Variants in EBF1 observed in about 807,000 individuals in gnomAD.
EBF1 encodes transcription factor COE1.
A neutral mutation model predicts 68.4 loss-of-function variants in EBF1; 10 were observed. The ratio of observed to expected loss-of-function variants is 0.15; its 90% CI spans 0.09 to 0.25. The LOEUF (loss-of-function observed/expected upper bound fraction) is 0.25. EBF1 is among the 10% of genes least tolerant of loss of function. EBF1 has a pLI of 1.00. For synonymous variants in EBF1, 298 were observed against 299.8 expected (o/e 0.99, Z 0.06); for missense variants, 509 against 794.4 (o/e 0.64, Z 4.32).
Position 158,698,720 on chromosome 5 carries a change from G to A in EBF1, c.*391C>T, listed in dbSNP as rs1235543175. ...CACCACTTCATTCTTCCTTTACACA[G>A]CTTTAAAAACATCATAAATTAAAAC... On this transcript the variant is annotated 3_prime_UTR_variant, in exon 16 of 16. Coordinates refer to ENST00000313708, the MANE Select transcript of EBF1 (RefSeq NM_024007.5). 7 of 196,174 alleles carry A rather than the reference G, an allele frequency of 3.6e-5. No individual in the cohort carries two copies. Among genetic ancestry groups the A allele is most frequent in the Non-Finnish European group, 5.7e-5 (6 of 105,266 alleles). The allele number at this position is 196,174 out of a possible 1,614,324, so 12.2% of individuals were successfully genotyped here.
At chr5:159,043,901 T>C (rs1242421626) in intron 6 of EBF1, among the ~76,000 whole-genome samples, 1 of 152,204 alleles carries the variant, frequency 6.6e-6, no homozygotes, top group Non-Finnish European at 1.5e-5. Flanking sequence ...AATCTTCTAT[T>C]AACTGGCACT....
intron 5 of EBF1, among the ~76,000 whole-genome samples, chr5:159,075,826 G>T (rs13172519): frequency 1.3e-5 from 2 of 151,832 alleles, no homozygotes; most frequent in Non-Finnish European, 2.9e-5. Context: ...AGCTCCTACC[G>T]CACTGGCCCA....
At chr5:158,918,437 G>C (rs890077186) in intron 6 of EBF1, among the ~76,000 whole-genome samples, 4 of 152,182 alleles carry the variant, frequency 2.6e-5, no homozygotes, top group African/African-American at 9.7e-5. Flanking sequence ...TAGTTTCTTA[G>C]GTGATTTCTC....
intron 6 of EBF1, among the ~76,000 whole-genome samples, chr5:158,917,196 TA>T (rs1807388691): frequency 6.6e-6 from 1 of 152,180 alleles, no homozygotes; most frequent in African/African-American, 2.4e-5. Flanking sequence ...TATACCTAAA[TA>T]AAATCAAGCA....
At chr5:159,020,099 C>T (rs946432516) in intron 6 of EBF1, among the ~76,000 whole-genome samples, 3 of 152,048 alleles carry the variant, frequency 2.0e-5, no homozygotes, top group Non-Finnish European at 4.4e-5. Flanking sequence ...ACCCCTGTTG[C>T]CTCCTATGTC....
rs905348842 is a variant in EBF1, at chr5:158,825,200, A to G, written c.637-1883T>C. On this transcript the variant is annotated intron_variant, in intron 7 of 15. Coordinates refer to ENST00000313708, the MANE Select transcript of EBF1 (RefSeq NM_024007.5). Reference sequence around the variant, plus strand: ...AGGTTAATTTAAAAGAAAGAAGAAGAGAAGAAAACGGTCTACTATTTTGCC... The same window carrying G: ...AGGTTAATTTAAAAGAAAGAAGAAGGGAAGAAAACGGTCTACTATTTTGCC... 2.0e-5 allele frequency among the ~76,000 whole-genome samples: 3 copies of G among 152,246 alleles called. No individual in the cohort carries two copies. In the East Asian group the frequency reaches 5.8e-4, roughly 29 times the overall value.
intron 7 of EBF1, among the ~76,000 whole-genome samples, chr5:158,830,318 C>A (rs1787238075): frequency 6.6e-6 from 1 of 152,036 alleles, no homozygotes; most frequent in Non-Finnish European, 1.5e-5. Context: ...TGTCACCAGG[C>A]CGGACTGCAG....
chr5:159,029,908 G>A (rs984182605), intron 6 of EBF1, among the ~76,000 whole-genome samples: 1 of 150,170 alleles, frequency 6.7e-6, no homozygotes, highest in Non-Finnish European at 1.5e-5. Context: ...AGTGAGCCAA[G>A]ATCACACCAT....
chr5:158,898,398 C>T (rs930980269), intron 6 of EBF1, among the ~76,000 whole-genome samples: 3 of 152,204 alleles, frequency 2.0e-5, no homozygotes, highest in Admixed American at 2.0e-4. Context: ...GTCAAATGTG[C>T]CCAAGTCCCT....
At chr5:158,859,482 T>C (rs1794621020) in intron 6 of EBF1, among the ~76,000 whole-genome samples, 1 of 152,188 alleles carries the variant, frequency 6.6e-6, no homozygotes, top group South Asian at 2.1e-4. Context: ...ATTTTACACT[T>C]TGGGTATCTG....
At chr5:158,716,202 A>G (rs1760653869) in intron 11 of EBF1, among the ~76,000 whole-genome samples, 1 of 152,172 alleles carries the variant, frequency 6.6e-6, no homozygotes, top group African/African-American at 2.4e-5. Flanking sequence ...CATACCATCT[A>G]TCAGTATATA....
chr5:159,035,835 A>G (rs1308015574), intron 6 of EBF1, among the ~76,000 whole-genome samples: 2 of 152,216 alleles, frequency 1.3e-5, no homozygotes, highest in Non-Finnish European at 2.9e-5. Flanking sequence ...TCATGCATGC[A>G]CAAAAGTATT....
intron 10 of EBF1, among the ~76,000 whole-genome samples, chr5:158,763,697 A>G (rs994876811): frequency 1.3e-5 from 2 of 152,204 alleles, no homozygotes; most frequent in Non-Finnish European, 2.9e-5. Flanking sequence ...TTATCAAACG[A>G]CCATGGTGAT....
intron 6 of EBF1, among the ~76,000 whole-genome samples, chr5:158,878,649 T>TC (rs1178786143): frequency 6.6e-6 from 1 of 150,912 alleles, no homozygotes; most frequent in Non-Finnish European, 1.5e-5. Context: ...CCAGCCTTTT[T>TC]TTTTTTTTTC....
At chr5:158,759,581 A>G (rs1770943470) in intron 10 of EBF1, among the ~76,000 whole-genome samples, 1 of 152,164 alleles carries the variant, frequency 6.6e-6, no homozygotes, top group Non-Finnish European at 1.5e-5. Context: ...CTTGGAAATA[A>G]AAATAAGTGT....
At chr5:158,847,959 C>T (rs533368011) in intron 6 of EBF1, among the ~76,000 whole-genome samples, 1 of 152,268 alleles carries the variant, frequency 6.6e-6, no homozygotes, top group African/African-American at 2.4e-5. Context: ...GGCAACTTTG[C>T]TTCAGTAACA....
At chr5:159,064,650 G>A (rs527727585) in intron 6 of EBF1, among the ~76,000 whole-genome samples, 2 of 152,102 alleles carry the variant, frequency 1.3e-5, no homozygotes, top group Non-Finnish European at 2.9e-5. Flanking sequence ...TGGTCTTCAC[G>A]AGCCAGATCA....
At chr5:158,804,398 AC>A (rs1334238417) in intron 8 of EBF1, among the ~76,000 whole-genome samples, 1 of 152,102 alleles carries the variant, frequency 6.6e-6, no homozygotes, top group Non-Finnish European at 1.5e-5. Flanking sequence ...AAATTTTTCA[AC>A]AATCAATGGA....
At chr5:159,052,776 T>C (rs1774035026) in intron 6 of EBF1, among the ~76,000 whole-genome samples, 1 of 152,202 alleles carries the variant, frequency 6.6e-6, no homozygotes, top group South Asian at 2.1e-4. Context: ...CGTGGCTGCT[T>C]ACCTTTGGCA....
Sources: gnomAD v4.1 joint callset for allele counts (sites outside exome capture counted in the v4.1 genomes callset) on GRCh38, gnomAD v4.1.1 for gene constraint, MANE v1.5 for transcripts, NCBI Gene and HGNC (gene_info 2026-07-23, HGNC 2026-07-21) for gene names.